NELL1: variants seen among roughly 807,000 people sequenced by gnomAD.
The protein encoded by NELL1 is neural EGFL like 1.
NELL1 carries 76 observed loss-of-function variants against 107.4 expected under a neutral mutation model. The ratio of observed to expected loss-of-function variants is 0.71; its 90% CI spans 0.59 to 0.86. The LOEUF is 0.86. Ranked by LOEUF, NELL1 falls within the 40% of genes least tolerant of loss-of-function variation. The pLI is 0.00. For missense variants in NELL1, 1,024 were observed against 1,005.5 expected (o/e 1.02, Z -0.25); for synonymous variants, 353 against 341.2 (o/e 1.03, Z -0.38).
At chr11:21,261,674 T>C (rs1262638097) in intron 14 of NELL1, among the ~76,000 whole-genome samples, 1 of 151,872 alleles carries the variant, frequency 6.6e-6, no homozygotes, top group Non-Finnish European at 1.5e-5. Context: ...AATCTGCTAA[T>C]TTTTAACCTT....
intron 2 of NELL1, among the ~76,000 whole-genome samples, chr11:20,751,654 A>T (rs950559342): frequency 6.6e-6 from 1 of 151,820 alleles, no homozygotes; most frequent in Non-Finnish European, 1.5e-5. Flanking sequence ...GTTAAAAAAA[A>T]AAAAAAAAAA....
chr11:21,512,613 G>T (rs1156737001), intron 15 of NELL1, among the ~76,000 whole-genome samples: 1 of 152,064 alleles, frequency 6.6e-6, no homozygotes, highest in Non-Finnish European at 1.5e-5. Context: ...GAAAACCAAC[G>T]TGTATATTCA....
chr11:20,995,797 T>G (rs1171155429), intron 12 of NELL1, among the ~76,000 whole-genome samples: 1 of 152,164 alleles, frequency 6.6e-6, no homozygotes, highest in African/African-American at 2.4e-5. Flanking sequence ...AGACATGATC[T>G]CTATCTTCTG....
At chr11:21,507,354 G>A (rs544375900) in intron 15 of NELL1, among the ~76,000 whole-genome samples, 1 of 152,310 alleles carries the variant, frequency 6.6e-6, no homozygotes, top group African/African-American at 2.4e-5. Context: ...ACATTTGGCA[G>A]CAACAAAAGC....
intron 10 of NELL1, among the ~76,000 whole-genome samples, chr11:20,942,881 A>G (rs1259416312): frequency 3.3e-5 from 5 of 152,210 alleles, no homozygotes. Flanking sequence ...GGGTGACTCT[A>G]GCAAGGGTCA....
At chr11:20,851,524 C>A (rs995540457) in intron 4 of NELL1, among the ~76,000 whole-genome samples, 4 of 152,112 alleles carry the variant, frequency 2.6e-5, no homozygotes, top group African/African-American at 9.7e-5. Flanking sequence ...CCTGAAGAAA[C>A]CTTCCTTAGA....
intron 4 of NELL1, among the ~76,000 whole-genome samples, chr11:20,863,018 A>G (rs940893247): frequency 1.5e-4 from 23 of 152,318 alleles, no homozygotes; most frequent in Admixed American, 5.9e-4. Flanking sequence ...ACACAGACAC[A>G]GCAACAATCT....
intron 13 of NELL1, among the ~76,000 whole-genome samples, chr11:21,226,080 G>A (rs1277246452): frequency 1.3e-5 from 2 of 152,108 alleles, no homozygotes; most frequent in Non-Finnish European, 2.9e-5. Context: ...AGCATCCTTG[G>A]CAACTGGAAA....
chr11:20,805,493 A>C (rs1195646727), intron 3 of NELL1, among the ~76,000 whole-genome samples: 1 of 152,014 alleles, frequency 6.6e-6, no homozygotes, highest in Non-Finnish European at 1.5e-5. Flanking sequence ...ATTTGCAAAT[A>C]ATGTCTTATA....
At chr11:21,191,935 T>G (rs1027031041) in intron 13 of NELL1, among the ~76,000 whole-genome samples, 1 of 151,944 alleles carries the variant, frequency 6.6e-6, no homozygotes, top group South Asian at 2.1e-4. Flanking sequence ...CCAAATGGAC[T>G]TATTAGATAA....
At chr11:21,342,074 A>G (rs1456374992) in intron 14 of NELL1, among the ~76,000 whole-genome samples, 1 of 152,152 alleles carries the variant, frequency 6.6e-6, no homozygotes, top group Non-Finnish European at 1.5e-5. Context: ...CTGTAATACC[A>G]TTGTCTTCAC....
chr11:21,532,635 G>T (rs114112447), intron 15 of NELL1, among the ~76,000 whole-genome samples: 1 of 152,072 alleles, frequency 6.6e-6, no homozygotes, highest in Non-Finnish European at 1.5e-5. Context: ...AGGCAACAGG[G>T]TCTGTGTTAA....
chr11:20,927,319 A>G lies in NELL1; in HGVS notation c.771A>G (p.Ala257=), dbSNP rs1850519041. 3 of 1,608,738 alleles carry G rather than the reference A, an allele frequency of 1.9e-6. No individual in the cohort carries two copies. Among genetic ancestry groups the G allele is most frequent in the East Asian group, 2.2e-5 (1 of 44,802 alleles). ...ACTCTTGTTTGCAGCTAAATTATGC[A>G]GAGACAAGACTTAGTCAATTGGAAA... ...LAKMTAKLNY[A]ETRLSQLENC... Residue 257 remains alanine, a synonymous_variant, in exon 8 of 20, where the codon GCA becomes GCG. Coordinates refer to ENST00000357134, the MANE Select transcript of NELL1 (RefSeq NM_006157.5).
intron 4 of NELL1, among the ~76,000 whole-genome samples, chr11:20,882,714 T>A (rs1849432849): frequency 6.6e-6 from 1 of 152,218 alleles, no homozygotes; most frequent in African/African-American, 2.4e-5. Context: ...AATAAAATAC[T>A]ATTACATAAT....
chr11:21,306,494 T>G (rs1447305909), intron 14 of NELL1, among the ~76,000 whole-genome samples: 1 of 152,034 alleles, frequency 6.6e-6, no homozygotes, highest in Non-Finnish European at 1.5e-5. Flanking sequence ...AAACATCTGT[T>G]TTCCACATAT....
chr11:21,036,806 G>C (rs1853103887), intron 12 of NELL1, among the ~76,000 whole-genome samples: 1 of 151,558 alleles, frequency 6.6e-6, no homozygotes, highest in African/African-American at 2.4e-5. Context: ...TTTGTTTTCT[G>C]GTTTCCTTTG....
chr11:20,853,171 G>C (rs1848822515), intron 4 of NELL1, among the ~76,000 whole-genome samples: 1 of 152,218 alleles, frequency 6.6e-6, no homozygotes, highest in Non-Finnish European at 1.5e-5. Flanking sequence ...AGTGTGGTGA[G>C]AGAAAACCAT....
chr11:20,966,841 G>A (rs1000716960), intron 12 of NELL1, among the ~76,000 whole-genome samples: 19 of 140,346 alleles, frequency 1.4e-4, no homozygotes, highest in Admixed American at 2.1e-4. Flanking sequence ...ACCCCCTGCC[G>A]CCCCCTGCCC....
chr11:21,077,665 C>G (rs1267635177), intron 12 of NELL1, among the ~76,000 whole-genome samples: 1 of 151,702 alleles, frequency 6.6e-6, no homozygotes. Flanking sequence ...ATCACTTGAA[C>G]CTGGGAGACG....
Sources: allele counts gnomAD v4.1 joint callset (sites outside exome capture counted in the v4.1 genomes callset), GRCh38; gene constraint gnomAD v4.1.1; transcripts MANE v1.5; gene names NCBI Gene and HGNC (gene_info 2026-07-23, HGNC 2026-07-21).